The following ZNF704 variants were observed in gnomAD, a reference collection of about 807,000 sequenced individuals.
The protein encoded by ZNF704 is glucocorticoid induced gene 1.
In ZNF704, 10 loss-of-function variants were observed where a neutral mutation model predicts 44.7. That is an observed-to-expected ratio of 0.22 (90% CI 0.14 to 0.38). The LOEUF is 0.38. ZNF704 is among the 10% of genes least tolerant of loss of function. The probability of loss-of-function intolerance (pLI) is 1.00; values close to 1 mark genes in which losing one functional copy is unlikely to be tolerated. For missense variants in ZNF704, 390 were observed against 545.5 expected (o/e 0.71, Z 2.84); for synonymous variants, 211 against 207.6 (o/e 1.02, Z -0.14).
At chr8:80,681,065 T>G (rs531157248) in intron 4 of ZNF704, among the ~76,000 whole-genome samples, 3 of 152,332 alleles carry the variant, frequency 2.0e-5, no homozygotes, top group Admixed American at 2.0e-4. Flanking sequence ...CCCTTTTATG[T>G]GGTGAAGTAT....
intron 2 of ZNF704, among the ~76,000 whole-genome samples, chr8:80,774,132 T>G (rs981567058): frequency 5.3e-5 from 8 of 152,140 alleles, no homozygotes; most frequent in Admixed American, 2.0e-4. Context: ...CATAGCTGAC[T>G]GCAGCCTCGA....
At chr8:80,739,668 T>C (rs761208184) in intron 2 of ZNF704, among the ~76,000 whole-genome samples, 3 of 152,164 alleles carry the variant, frequency 2.0e-5, no homozygotes, top group African/African-American at 4.8e-5. Context: ...TCCCTACTTA[T>C]AGACTCCAGG....
chr8:80,766,916 C>T (rs1426793651), intron 2 of ZNF704, among the ~76,000 whole-genome samples: 3 of 152,028 alleles, frequency 2.0e-5, no homozygotes, highest in Admixed American at 1.3e-4. Flanking sequence ...TTTCAACACA[C>T]TGGCCAGGCT....
At chr8:80,706,364 T>C (rs1818899359) in intron 2 of ZNF704, among the ~76,000 whole-genome samples, 1 of 152,194 alleles carries the variant, frequency 6.6e-6, no homozygotes, top group South Asian at 2.1e-4. Context: ...TTTTTTTTAA[T>C]AGAAAAAACA....
At chr8:80,726,833 G>GCACACACACACA (rs60158512) in intron 2 of ZNF704, among the ~76,000 whole-genome samples, 1 of 147,586 alleles carries the variant, frequency 6.8e-6, no homozygotes, top group African/African-American at 2.5e-5. Context: ...ACACACACAT[G>GCACACACACACA]CACACACACA....
intron 2 of ZNF704, among the ~76,000 whole-genome samples, chr8:80,735,992 C>T (rs1806658935): frequency 6.6e-6 from 1 of 152,166 alleles, no homozygotes; most frequent in South Asian, 2.1e-4. Context: ...GCATTAACTA[C>T]CCTTTGAAAT....
At chr8:80,657,450 T>G (rs1430260902) in intron 7 of ZNF704, among the ~76,000 whole-genome samples, 1 of 152,140 alleles carries the variant, frequency 6.6e-6, no homozygotes. Context: ...CCCAGCACTT[T>G]GGGAGGCTGA....
chr8:80,645,603 C>T (rs569674206), intron 7 of ZNF704, among the ~76,000 whole-genome samples: 1 of 152,154 alleles, frequency 6.6e-6, no homozygotes, highest in East Asian at 1.9e-4. Flanking sequence ...TTACATAAGA[C>T]TGTGGTTGTT....
At chr8:80,685,164 AAAAATGT>A (rs1818515770) in intron 4 of ZNF704, among the ~76,000 whole-genome samples, 1 of 151,872 alleles carries the variant, frequency 6.6e-6, no homozygotes, top group African/African-American at 2.4e-5. Context: ...TAAAAAAATA[AAAAATGT>A]AAAAAAGGAA....
chr8:80,843,312 GAAATGAGACTT>G (rs1808711972), intron 1 of ZNF704, among the ~76,000 whole-genome samples: 1 of 152,198 alleles, frequency 6.6e-6, no homozygotes, highest in Admixed American at 6.5e-5. Context: ...CCTAGCACAA[GAAATGAGACTT>G]GGCTGGCAGC....
At chr8:80,681,025 A>G (rs545106763) in intron 4 of ZNF704, among the ~76,000 whole-genome samples, 1 of 151,738 alleles carries the variant, frequency 6.6e-6, no homozygotes, top group East Asian at 1.9e-4. Context: ...TTTTTGATTC[A>G]CTCACTGTTT....
chr8:80,774,921 C>A (rs916347520), intron 2 of ZNF704, among the ~76,000 whole-genome samples: 1 of 152,184 alleles, frequency 6.6e-6, no homozygotes, highest in Non-Finnish European at 1.5e-5. Flanking sequence ...GAAATGAAAA[C>A]CCATGAAACT....
intron 2 of ZNF704, among the ~76,000 whole-genome samples, chr8:80,789,981 T>G (rs1807676948): frequency 6.6e-6 from 1 of 152,182 alleles, no homozygotes; most frequent in African/African-American, 2.4e-5. Flanking sequence ...TATTTACAAG[T>G]ATGCGTTTCA....
intron 2 of ZNF704, among the ~76,000 whole-genome samples, chr8:80,726,906 A>G (rs935964184): frequency 2.0e-5 from 3 of 152,168 alleles, no homozygotes; most frequent in African/African-American, 7.2e-5. Flanking sequence ...ATGCATCTGT[A>G]TATTATTAAT....
intron 2 of ZNF704, among the ~76,000 whole-genome samples, chr8:80,804,288 C>G (rs948201657): frequency 6.6e-6 from 1 of 152,148 alleles, no homozygotes; most frequent in Non-Finnish European, 1.5e-5. Flanking sequence ...GACCTAGAAG[C>G]AGACATACCA....
Position 80,664,928 on chromosome 8 carries a change from C to G in ZNF704, c.814G>C (p.Asp272His), listed in dbSNP as rs375392857. ...LASPPTFPIP[D>H]SSRTETPCAK... is the part of the protein sequence containing the mutation. ...CAAGGAGTTTCTGTTCGGCTTGAAT[C>G]TGGGATGGGGAAAGTAGGAGGTGAA... Residue 272 changes from aspartate to histidine, a missense_variant, in exon 6 of 9, where the codon GAT becomes CAT. By Grantham distance (81) the Asp-to-His change is moderately conservative. This residue lies in a region of ZNF704 where 305 missense variants were observed against 435.7 expected (regional missense o/e 0.70). Transcript: ENST00000327835. The G allele has an allele frequency of 1.2e-6, 2 of 1,614,064 alleles. No individual in the cohort carries two copies. Among genetic ancestry groups the G allele is most frequent in the African/African-American group, 2.7e-5 (2 of 74,926 alleles).
At chr8:80,666,475 T>A (rs1436227231) in intron 5 of ZNF704, among the ~76,000 whole-genome samples, 3 of 147,578 alleles carry the variant, frequency 2.0e-5, no homozygotes, top group Non-Finnish European at 4.5e-5. Context: ...TTTGGGTATA[T>A]ACCCAGTAAT....
At chr8:80,651,808 C>T (rs931097619) in intron 7 of ZNF704, among the ~76,000 whole-genome samples, 4 of 152,154 alleles carry the variant, frequency 2.6e-5, no homozygotes, top group African/African-American at 9.7e-5. Context: ...AGCTCTGCAC[C>T]AAGTGGACCT....
chr8:80,693,146 G>T, intron 2 of ZNF704, 39 bp from the exon 3 acceptor site: 1 of 1,561,682 alleles, frequency 6.4e-7, no homozygotes, highest in Non-Finnish European at 8.8e-7. Context: ...TGTTCACTCT[G>T]CATCTGCTGT....
Sources: allele counts gnomAD v4.1 joint callset (sites outside exome capture counted in the v4.1 genomes callset), GRCh38; gene constraint gnomAD v4.1.1; regional missense constraint gnomAD v4.1.1; transcripts MANE v1.5; gene names NCBI Gene and HGNC (gene_info 2026-07-23, HGNC 2026-07-21).